Variants in LINGO2 observed in about 807,000 individuals in gnomAD.
The protein encoded by LINGO2 is leucine rich repeat and Ig domain containing 2.
In LINGO2, 14 loss-of-function variants were observed where a neutral mutation model predicts 30.6. The observed-to-expected ratio is 0.46, with a 90% CI of 0.30 to 0.72. The LOEUF is 0.72. Ranked by LOEUF, LINGO2 falls within the 30% of genes least tolerant of loss-of-function variation. The probability of loss-of-function intolerance (pLI) is 0.07; values close to 1 mark genes in which losing one functional copy is unlikely to be tolerated. For missense variants in LINGO2, 729 were observed against 751.7 expected (o/e 0.97, Z 0.35); for synonymous variants, 317 against 288.5 (o/e 1.10, Z -1.00).
chr9:28,846,621 T>C, the LINGO2 span, among the ~76,000 whole-genome samples: 1 of 147,836 alleles, frequency 6.8e-6, no homozygotes, highest in Non-Finnish European at 1.5e-5. Flanking sequence ...AGAATGTCAC[T>C]GGATTTGTTT....
intron 1 of LINGO2, among the ~76,000 whole-genome samples, chr9:28,528,573 G>T (rs1821114382): frequency 1.3e-5 from 2 of 152,058 alleles, no homozygotes; most frequent in South Asian, 4.1e-4. Flanking sequence ...CTTACATTTT[G>T]TATTGGGAAT....
chr9:29,017,265 A>G, the LINGO2 span, among the ~76,000 whole-genome samples: 1 of 152,114 alleles, frequency 6.6e-6, no homozygotes, highest in Non-Finnish European at 1.5e-5. Flanking sequence ...GAGAAAATCC[A>G]TATAAACAAT....
At chr9:28,879,858 A>AC in the LINGO2 span, among the ~76,000 whole-genome samples, 4 of 151,858 alleles carry the variant, frequency 2.6e-5, no homozygotes, top group African/African-American at 9.7e-5. Context: ...AAAAAGAAAA[A>AC]AAAGTGGTAG....
the LINGO2 span, among the ~76,000 whole-genome samples, chr9:28,951,221 A>G: frequency 6.6e-6 from 1 of 152,210 alleles, no homozygotes. Flanking sequence ...CCTTCCTTAC[A>G]CCTTCTGCAA....
intron 4 of LINGO2, among the ~76,000 whole-genome samples, chr9:28,057,865 A>G (rs1328682986): frequency 6.6e-6 from 1 of 152,022 alleles, no homozygotes; most frequent in South Asian, 2.1e-4. Context: ...TTCTTCAGAA[A>G]TCAGCTCAAG....
At chr9:28,400,553 A>G (rs10812804) in intron 2 of LINGO2, among the ~76,000 whole-genome samples, 63,982 of 151,784 alleles carry the variant, frequency 0.42, 13,806 homozygotes, top group Middle Eastern at 0.56. Context: ...TAAGAATAAC[A>G]TGACTAAGGG....
chr9:28,017,154 A>C (rs1252832018), intron 4 of LINGO2, among the ~76,000 whole-genome samples: 1 of 152,196 alleles, frequency 6.6e-6, no homozygotes, highest in Non-Finnish European at 1.5e-5. Context: ...TTCATGTTAA[A>C]AACTCTCAAT....
intron 5 of LINGO2, among the ~76,000 whole-genome samples, chr9:27,999,526 C>A (rs1821842641): frequency 6.6e-6 from 1 of 150,610 alleles, no homozygotes; most frequent in South Asian, 2.1e-4. Context: ...GTGTGATAGA[C>A]CTTATATATA....
intron 4 of LINGO2, among the ~76,000 whole-genome samples, chr9:28,061,584 A>G (rs1825146540): frequency 6.6e-6 from 1 of 152,052 alleles, no homozygotes; most frequent in African/African-American, 2.4e-5. Flanking sequence ...TAAATGAAAT[A>G]AAAGGAAAAT....
chr9:28,567,296 T>C (rs1007047386), intron 1 of LINGO2, among the ~76,000 whole-genome samples: 2 of 152,048 alleles, frequency 1.3e-5, no homozygotes, highest in African/African-American at 2.4e-5. Context: ...CATTGGCTAT[T>C]TACCCAAAGG....
the LINGO2 span, among the ~76,000 whole-genome samples, chr9:29,099,993 G>A: frequency 4.0e-5 from 6 of 151,550 alleles, no homozygotes; most frequent in Non-Finnish European, 7.4e-5. Flanking sequence ...GTGTCCATCA[G>A]CAGAAGACTC....
At chr9:29,099,381 T>C in the LINGO2 span, among the ~76,000 whole-genome samples, 4 of 152,016 alleles carry the variant, frequency 2.6e-5, no homozygotes, top group South Asian at 2.1e-4. Flanking sequence ...TTTGGACAAA[T>C]GGGATCACAT....
chr9:29,159,657 G>C, the LINGO2 span, among the ~76,000 whole-genome samples: 1 of 152,200 alleles, frequency 6.6e-6, no homozygotes, highest in Admixed American at 6.5e-5. Flanking sequence ...AGGAGTTCGA[G>C]ACAAGCCTAG....
intron 3 of LINGO2, among the ~76,000 whole-genome samples, chr9:28,319,641 T>A (rs558353379): frequency 9.9e-5 from 15 of 152,136 alleles, no homozygotes; most frequent in Non-Finnish European, 1.8e-4. Flanking sequence ...ATTCCTGTTA[T>A]ATGACATTTG....
chr9:28,326,299 C>T (rs940232577), intron 3 of LINGO2, among the ~76,000 whole-genome samples: 2 of 152,182 alleles, frequency 1.3e-5, no homozygotes, highest in East Asian at 3.8e-4. Flanking sequence ...ACCACCACAC[C>T]CGGCCACAAA....
At chr9:27,946,939 TTAA>T (rs1823387671), downstream of LINGO2, among the ~76,000 whole-genome samples, 1 of 152,140 alleles carries the variant, frequency 6.6e-6, no homozygotes, top group Non-Finnish European at 1.5e-5. Context: ...TGGGGTCAAT[TTAA>T]TTTTATTAAA....
At chr9:28,880,665 G>A in the LINGO2 span, among the ~76,000 whole-genome samples, 1 of 147,828 alleles carries the variant, frequency 6.8e-6, no homozygotes, top group Non-Finnish European at 1.5e-5. Context: ...GAGGGGGACT[G>A]GTGAAAGAGG....
At position 28,196,714 on chromosome 9, in the gene LINGO2, A is replaced by C. The variant is rs75136341; in HGVS notation, c.-87+98494T>G. Among the ~76,000 whole-genome samples, 528 of 152,120 alleles carry C rather than the reference A, an allele frequency of 3.5e-3. 3 individuals carry two copies. The highest frequency in any genetic ancestry group is 0.012 in the African/African-American group (511 of 41,560). ...TTATGGTATCATAATAAAAATACCC[A>C]AAGATTATTTTTAAAATTTAGTCAA... On this transcript the variant is annotated intron_variant, in intron 4 of 5. Coordinates refer to ENST00000379992, the Ensembl canonical transcript of LINGO2.
the LINGO2 span, among the ~76,000 whole-genome samples, chr9:28,724,295 AC>A: frequency 6.6e-6 from 1 of 152,178 alleles, no homozygotes; most frequent in South Asian, 2.1e-4. Context: ...ACTATGTTGT[AC>A]CTGCTTTTGC....
Sources: gnomAD v4.1 joint callset for allele counts (sites outside exome capture counted in the v4.1 genomes callset) on GRCh38, gnomAD v4.1.1 for gene constraint, MANE v1.5 for transcripts, NCBI Gene and HGNC (gene_info 2026-07-23, HGNC 2026-07-21) for gene names.